Variants in PDE1C observed in about 807,000 individuals in gnomAD.
PDE1C encodes the protein dual specificity calcium/calmodulin-dependent 3',5'-cyclic nucleotide phosphodiesterase 1C.
A neutral mutation model predicts 93.1 loss-of-function variants in PDE1C; 62 were observed. That is an observed-to-expected ratio of 0.67 (90% CI 0.54 to 0.82). The LOEUF (loss-of-function observed/expected upper bound fraction) is 0.82. Among genes scored for constraint, PDE1C ranks in the 40% least tolerant of loss-of-function variants. The pLI is 0.00. For missense variants in PDE1C, 742 were observed against 884.6 expected (o/e 0.84, Z 2.04); for synonymous variants, 325 against 310.1 (o/e 1.05, Z -0.50).
chr7:31,818,125 T>C (rs1788497164), intron 14 of PDE1C, among the ~76,000 whole-genome samples: 1 of 152,166 alleles, frequency 6.6e-6, no homozygotes, highest in East Asian at 1.9e-4. Context: ...ATGTTTGCCA[T>C]TCAGTATTTC....
the PDE1C span, among the ~76,000 whole-genome samples, chr7:31,644,233 A>C: frequency 6.6e-6 from 1 of 152,356 alleles, no homozygotes; most frequent in South Asian, 2.1e-4. Flanking sequence ...CCATGCATTC[A>C]TATGTCTAAG....
At chr7:32,197,583 G>T (rs940271350) in intron 2 of PDE1C, among the ~76,000 whole-genome samples, 1 of 152,102 alleles carries the variant, frequency 6.6e-6, no homozygotes, top group Non-Finnish European at 1.5e-5. Context: ...AAAATAAAAC[G>T]TATATCCATA....
chr7:32,407,029 A>G (rs1476373284), intron 1 of PDE1C, among the ~76,000 whole-genome samples: 1 of 152,170 alleles, frequency 6.6e-6, no homozygotes, highest in Non-Finnish European at 1.5e-5. Context: ...TAATCCAAGC[A>G]CTTTGGGAGG....
At chr7:32,132,430 A>C (rs1799970498) in intron 3 of PDE1C, among the ~76,000 whole-genome samples, 1 of 152,164 alleles carries the variant, frequency 6.6e-6, no homozygotes, top group Non-Finnish European at 1.5e-5. Flanking sequence ...TTGGGAGGCC[A>C]AGGTGGATTG....
chr7:32,347,459 C>G (rs954628798), intron 1 of PDE1C, among the ~76,000 whole-genome samples: 1 of 149,666 alleles, frequency 6.7e-6, no homozygotes, highest in African/African-American at 2.4e-5. Context: ...TGGTCATGCC[C>G]TGTATAATTC....
chr7:31,878,136 G>A (rs1796820906), intron 4 of PDE1C, 100 bp from the exon 5 acceptor site: 1 of 769,958 alleles, frequency 1.3e-6, no homozygotes, highest in African/African-American at 1.8e-5. Context: ...AAGAAGTCAA[G>A]TGGGGTGATC....
the PDE1C span, chr7:31,642,759 A>G: frequency 3.1e-6 from 5 of 1,614,010 alleles, no homozygotes; most frequent in Non-Finnish European, 4.2e-6. Context: ...ACAGCTTAGT[A>G]TCATCCCAGG....
At chr7:32,281,806 C>T (rs539163772) in intron 1 of PDE1C, among the ~76,000 whole-genome samples, 4 of 152,244 alleles carry the variant, frequency 2.6e-5, no homozygotes, top group African/African-American at 4.8e-5. Context: ...GGATTAAGAA[C>T]ATGTGGCACA....
intron 3 of PDE1C, among the ~76,000 whole-genome samples, chr7:32,166,807 C>A (rs7792012): frequency 0.16 from 24,339 of 151,984 alleles, 2,101 homozygotes; most frequent in East Asian, 0.26. Flanking sequence ...CATGTCTTGA[C>A]GCTGCATTTG....
At chr7:31,628,993 A>C in the PDE1C span, among the ~76,000 whole-genome samples, 3 of 152,214 alleles carry the variant, frequency 2.0e-5, no homozygotes, top group Non-Finnish European at 4.4e-5. Context: ...GTGGTACTTG[A>C]ATCAGTAGAA....
intron 16 of PDE1C, among the ~76,000 whole-genome samples, chr7:31,780,745 T>G (rs1014657440): frequency 6.6e-6 from 1 of 152,070 alleles, no homozygotes; most frequent in African/African-American, 2.4e-5. Flanking sequence ...TTTTATTATT[T>G]GTTTTAGAAA....
At chr7:31,943,642 T>C (rs1806159376) in intron 2 of PDE1C, among the ~76,000 whole-genome samples, 1 of 152,186 alleles carries the variant, frequency 6.6e-6, no homozygotes, top group South Asian at 2.1e-4. Context: ...GAACAATGAC[T>C]AATTCTTCAA....
intron 3 of PDE1C, among the ~76,000 whole-genome samples, chr7:32,098,185 G>T (rs561032872): frequency 8.1e-6 from 1 of 124,016 alleles, no homozygotes; most frequent in African/African-American, 3.3e-5. Flanking sequence ...AGCCGAGATC[G>T]CGCCACTGCA....
chr7:31,940,787 C>T (rs940442638), intron 2 of PDE1C, among the ~76,000 whole-genome samples: 11 of 152,122 alleles, frequency 7.2e-5, no homozygotes, highest in African/African-American at 2.2e-4. Context: ...AACCCAGCCA[C>T]GCTCTGTGAG....
chr7:31,898,869 A>C (rs991349395), intron 2 of PDE1C, among the ~76,000 whole-genome samples: 4 of 152,170 alleles, frequency 2.6e-5, no homozygotes, highest in African/African-American at 9.7e-5. Flanking sequence ...TTGGATTTTC[A>C]ATGGAAATTT....
intron 2 of PDE1C, among the ~76,000 whole-genome samples, chr7:31,990,711 C>T (rs1784048745): frequency 6.6e-6 from 1 of 152,184 alleles, no homozygotes; most frequent in Non-Finnish European, 1.5e-5. Context: ...TTGAATTCTG[C>T]TCTATGTAAA....
intron 1 of PDE1C, among the ~76,000 whole-genome samples, chr7:32,254,635 G>A (rs888031893): frequency 2.0e-5 from 3 of 152,154 alleles, no homozygotes; most frequent in Non-Finnish European, 2.9e-5. Flanking sequence ...ACCAACTTGG[G>A]GAAATCGATG....
chr7:32,158,677 C>A (rs1173800116), intron 3 of PDE1C, among the ~76,000 whole-genome samples: 2 of 152,174 alleles, frequency 1.3e-5, no homozygotes, highest in African/African-American at 4.8e-5. Context: ...CTGTCACAGG[C>A]CAGGAAACCT....
chr7:31,901,821 G>A (rs1435302664), intron 2 of PDE1C, among the ~76,000 whole-genome samples: 1 of 151,512 alleles, frequency 6.6e-6, no homozygotes, highest in African/African-American at 2.4e-5. Context: ...TAAGTCACAG[G>A]ATAGGACTTA....
Sources: allele counts gnomAD v4.1 joint callset (sites outside exome capture counted in the v4.1 genomes callset), GRCh38; gene constraint gnomAD v4.1.1; transcripts MANE v1.5; gene names NCBI Gene and HGNC (gene_info 2026-07-23, HGNC 2026-07-21).